LARGE1: variants seen among roughly 807,000 people sequenced by gnomAD.
The protein encoded by LARGE1 is LARGE xylosyl- and glucuronyltransferase 1.
A neutral mutation model predicts 87.6 loss-of-function variants in LARGE1; 43 were observed. The ratio of observed to expected loss-of-function variants is 0.49; its 90% CI spans 0.38 to 0.63. The LOEUF (loss-of-function observed/expected upper bound fraction) is 0.63, where lower values mean the gene tolerates loss of function less well. LARGE1 is among the 30% of genes least tolerant of loss of function. The pLI is 0.00. For missense variants in LARGE1, 802 were observed against 1,000.2 expected, an observed-to-expected ratio of 0.80 and a Z score of 2.67; for synonymous variants, 434 against 394.6, an observed-to-expected ratio of 1.10 and a Z score of -1.18.
chr22:33,799,353 C>T (rs867124), intron 1 of LARGE1, among the ~76,000 whole-genome samples: 1 of 152,166 alleles, frequency 6.6e-6, no homozygotes, highest in African/African-American at 2.4e-5. Context: ...GAAAACAAAG[C>T]CATAATCCAT....
chr22:33,134,462 T>C, the LARGE1 span, among the ~76,000 whole-genome samples: 3 of 152,270 alleles, frequency 2.0e-5, no homozygotes, highest in Non-Finnish European at 4.4e-5. Flanking sequence ...TTTCACCGTG[T>C]TAGCTAGGAT....
intron 1 of LARGE1, among the ~76,000 whole-genome samples, chr22:33,865,260 C>G (rs2146626151): frequency 6.6e-6 from 1 of 152,304 alleles, no homozygotes; most frequent in Non-Finnish European, 1.5e-5. Context: ...GAGCTGCAAC[C>G]ATTTGTTCCC....
At chr22:33,840,414 A>T (rs2063245387) in intron 1 of LARGE1, among the ~76,000 whole-genome samples, 1 of 152,116 alleles carries the variant, frequency 6.6e-6, no homozygotes, top group Non-Finnish European at 1.5e-5. Flanking sequence ...TTGAAGACCA[A>T]CTCACTTTGG....
At chr22:33,557,606 C>T (rs1018686598) in intron 6 of LARGE1, among the ~76,000 whole-genome samples, 49 of 152,132 alleles carry the variant, frequency 3.2e-4, no homozygotes, top group African/African-American at 1.2e-3. Context: ...CGCTCTGTCG[C>T]CCAGGCTGGA....
At chr22:33,662,502 C>T (rs2081157193) in intron 2 of LARGE1, among the ~76,000 whole-genome samples, 1 of 152,120 alleles carries the variant, frequency 6.6e-6, no homozygotes, top group Non-Finnish European at 1.5e-5. Flanking sequence ...TCTATGGAGA[C>T]CACCTGCTAT....
intron 3 of LARGE1, among the ~76,000 whole-genome samples, chr22:33,641,618 G>A (rs975279003): frequency 6.6e-6 from 1 of 152,130 alleles, no homozygotes; most frequent in African/African-American, 2.4e-5. Context: ...CCAATGCAAG[G>A]AAGTGAAGAA....
chr22:33,129,905 A>G, the LARGE1 span, among the ~76,000 whole-genome samples: 1 of 152,244 alleles, frequency 6.6e-6, no homozygotes, highest in Non-Finnish European at 1.5e-5. Flanking sequence ...GGGAATTACA[A>G]TTCAAGATAA....
At chr22:33,558,557 T>A (rs1391349689) in intron 6 of LARGE1, among the ~76,000 whole-genome samples, 1 of 152,112 alleles carries the variant, frequency 6.6e-6, no homozygotes, top group Non-Finnish European at 1.5e-5. Flanking sequence ...TTCAATGACC[T>A]CCCTTAGATC....
intron 10 of LARGE1, among the ~76,000 whole-genome samples, chr22:33,317,559 TTC>T (rs1265483764): frequency 6.6e-6 from 1 of 152,202 alleles, no homozygotes; most frequent in Non-Finnish European, 1.5e-5. Context: ...CTAGCTGTAC[TTC>T]TCTCTTCCTT....
intron 11 of LARGE1, among the ~76,000 whole-genome samples, chr22:33,210,666 C>A (rs1428763329): frequency 1.3e-5 from 2 of 152,266 alleles, no homozygotes; most frequent in East Asian, 3.8e-4. Context: ...CCATGCCATG[C>A]AAGCTTCCAC....
chr22:33,170,812 A>T (rs1270556899), intron 11 of LARGE1, among the ~76,000 whole-genome samples: 1 of 152,192 alleles, frequency 6.6e-6, no homozygotes, highest in African/African-American at 2.4e-5. Context: ...TACTGCTATA[A>T]AGTGGGTACT....
intron 11 of LARGE1, among the ~76,000 whole-genome samples, chr22:33,219,012 T>C (rs1925337781): frequency 1.3e-5 from 2 of 152,190 alleles, no homozygotes; most frequent in Admixed American, 1.3e-4. Flanking sequence ...GCTATCTGGA[T>C]GCAGAGAACT....
At chr22:33,372,214 A>G (rs1469273290) in intron 9 of LARGE1, among the ~76,000 whole-genome samples, 1 of 152,162 alleles carries the variant, frequency 6.6e-6, no homozygotes, top group Non-Finnish European at 1.5e-5. Context: ...CTATTAAAAC[A>G]TGCTTCTAAA....
At chr22:33,283,784 G>A (rs1010677384) in intron 12 of LARGE1, among the ~76,000 whole-genome samples, 1 of 147,196 alleles carries the variant, frequency 6.8e-6, no homozygotes, top group African/African-American at 2.6e-5. Flanking sequence ...CAAAAAAAAG[G>A]TGGGGGGAAG....
the LARGE1 span, chr22:33,105,498 T>A: frequency 2.0e-5 from 3 of 152,206 alleles, no homozygotes; most frequent in East Asian, 5.8e-4. Context: ...TGTGAATTTC[T>A]ACAGTAGCTG....
At chr22:33,226,494 T>G (rs1389292588) in intron 11 of LARGE1, among the ~76,000 whole-genome samples, 1 of 152,156 alleles carries the variant, frequency 6.6e-6, no homozygotes, top group African/African-American at 2.4e-5. Flanking sequence ...AGGAGGTCAC[T>G]CCTGTCACCA....
At position 33,546,704 on chromosome 22, in the gene LARGE1, C is replaced by A. The variant is rs150369559; in HGVS notation, c.787+18144G>T. Among the ~76,000 whole-genome samples, 31 of 152,292 alleles carry A rather than the reference C, an allele frequency of 2.0e-4. No homozygotes were observed. In the East Asian group the frequency reaches 5.8e-3, roughly 28 times the overall value. The stretch of plus-strand genomic sequence containing the variant: ...TGTTCAAGAAATTCTCAGCCTCAGC[C>A]TCCCAAGTAGCTGGGACTACAGGTG... On this transcript the variant is annotated intron_variant, in intron 6 of 14. Coordinates refer to ENST00000397394, the MANE Select transcript of LARGE1 (RefSeq NM_133642.5).
chr22:33,389,265 G>C (rs992213522), intron 7 of LARGE1, among the ~76,000 whole-genome samples: 9 of 152,226 alleles, frequency 5.9e-5, no homozygotes, highest in Non-Finnish European at 7.3e-5. Context: ...GAAGAGCCTC[G>C]TATCTATGCA....
chr22:33,272,470 C>T (rs117946433), downstream of LARGE1, among the ~76,000 whole-genome samples: 3,684 of 151,870 alleles, frequency 0.024, 53 homozygotes, highest in Non-Finnish European at 0.035. Flanking sequence ...TAGAAGCTGG[C>T]CTGGCACACC....
Sources: allele counts gnomAD v4.1 joint callset (sites outside exome capture counted in the v4.1 genomes callset), GRCh38; gene constraint gnomAD v4.1.1; transcripts MANE v1.5; gene names NCBI Gene and HGNC (gene_info 2026-07-23, HGNC 2026-07-21).